Variants in ARHGAP24 observed in about 807,000 individuals in gnomAD.
The protein encoded by ARHGAP24 is rho GTPase-activating protein 24.
ARHGAP24 carries 50 observed loss-of-function variants against 76.4 expected under a neutral mutation model. That is an observed-to-expected ratio of 0.65 (90% CI 0.52 to 0.83). The LOEUF is 0.83. Ranked by LOEUF, ARHGAP24 falls within the 40% of genes least tolerant of loss-of-function variation. The pLI, the probability that ARHGAP24 is intolerant of heterozygous loss-of-function variation, is 0.00. For missense variants in ARHGAP24, 930 were observed against 914.2 expected (o/e 1.02, Z -0.22); for synonymous variants, 345 against 323.3 (o/e 1.07, Z -0.72).
intron 1 of ARHGAP24, among the ~76,000 whole-genome samples, chr4:85,508,945 T>A (rs544214069): frequency 6.6e-6 from 1 of 152,196 alleles, no homozygotes; most frequent in African/African-American, 2.4e-5. Flanking sequence ...GCTTATCAGG[T>A]CTGGCTCCTT....
intron 3 of ARHGAP24, among the ~76,000 whole-genome samples, chr4:85,775,120 G>T (rs1282906843): frequency 6.6e-6 from 1 of 152,152 alleles, no homozygotes; most frequent in Non-Finnish European, 1.5e-5. Flanking sequence ...CATGGAAAGG[G>T]CTATGAAAGA....
At chr4:85,993,084 C>G (rs1740431719) in intron 8 of ARHGAP24, among the ~76,000 whole-genome samples, 1 of 152,088 alleles carries the variant, frequency 6.6e-6, no homozygotes, top group Non-Finnish European at 1.5e-5. Flanking sequence ...CTCTTTCGGA[C>G]TTTCAAGAAA....
At chr4:85,728,104 T>C (rs1468040519) in intron 3 of ARHGAP24, among the ~76,000 whole-genome samples, 2 of 152,100 alleles carry the variant, frequency 1.3e-5, no homozygotes, top group East Asian at 1.9e-4. Flanking sequence ...CATGTTACTT[T>C]TGTACATTTC....
intron 3 of ARHGAP24, among the ~76,000 whole-genome samples, chr4:85,868,538 T>C (rs1578321571): frequency 6.6e-6 from 1 of 152,256 alleles, no homozygotes; most frequent in East Asian, 1.9e-4. Flanking sequence ...TGGCCTATAC[T>C]CTGAACTATA....
rs144429158 is a variant in ARHGAP24 at position 85,729,719 on chromosome 4, C to T, written c.268+7747C>T. On this transcript the variant is annotated intron_variant, in intron 3 of 9. Coordinates refer to ENST00000395184, the MANE Select transcript of ARHGAP24 (RefSeq NM_001025616.3). ...CAGTTGTTCAACTCTGCCATGGTAG[C>T]GAAAACAAATGGATGTGGCTGTATG... Among the ~76,000 whole-genome samples, 770 of 152,128 alleles carry T rather than the reference C, an allele frequency of 5.1e-3. 5 individuals are homozygous for T. The highest frequency in any genetic ancestry group is 0.018 in the African/African-American group (729 of 41,486).
At chr4:85,734,512 G>T (rs1452316180) in intron 3 of ARHGAP24, among the ~76,000 whole-genome samples, 1 of 151,978 alleles carries the variant, frequency 6.6e-6, no homozygotes, top group Non-Finnish European at 1.5e-5. Context: ...TTATCCAGTT[G>T]CCCAAGCTTT....
At chr4:85,715,088 C>A (rs191607011) in intron 2 of ARHGAP24, among the ~76,000 whole-genome samples, 1 of 152,050 alleles carries the variant, frequency 6.6e-6, no homozygotes, top group African/African-American at 2.4e-5. Context: ...AAATTAATGA[C>A]ATAAATTACA....
At chr4:85,884,652 T>C (rs1733457624) in intron 3 of ARHGAP24, among the ~76,000 whole-genome samples, 1 of 152,160 alleles carries the variant, frequency 6.6e-6, no homozygotes, top group African/African-American at 2.4e-5. Flanking sequence ...CAAACACTCC[T>C]GTAATAAAGG....
intron 1 of ARHGAP24, among the ~76,000 whole-genome samples, chr4:85,505,113 T>A (rs1723991931): frequency 6.6e-6 from 1 of 152,208 alleles, no homozygotes; most frequent in Non-Finnish European, 1.5e-5. Context: ...TGGGCTTCCC[T>A]TTGTGAGTAA....
At chr4:85,668,179 T>G (rs1327203840) in intron 2 of ARHGAP24, among the ~76,000 whole-genome samples, 3 of 152,238 alleles carry the variant, frequency 2.0e-5, no homozygotes, top group African/African-American at 7.2e-5. Context: ...ACACTTGCCC[T>G]AACTTCCATT....
At chr4:85,550,183 C>T (rs1726072507) in intron 1 of ARHGAP24, among the ~76,000 whole-genome samples, 1 of 152,108 alleles carries the variant, frequency 6.6e-6, no homozygotes, top group Admixed American at 6.5e-5. Context: ...CACCAAACTG[C>T]TTTTCACAAT....
rs922523176 is a variant in ARHGAP24, at chr4:86,001,404, T to C, written c.*682T>C. 5.0e-6 allele frequency: 2 copies of C among 398,890 alleles called. No individual in the cohort carries two copies. Among genetic ancestry groups the C allele is most frequent in the Non-Finnish European group, 4.4e-6 (1 of 226,102 alleles). 24.7% of individuals were successfully genotyped at this position (398,890 alleles called of 1,614,324 possible). Reference sequence around the variant, plus strand: ...TTGACATAGGAACTTTGAGACTCCATGAGAAAGTCCCTTTCTGAGGCCCAC... The same window carrying C: ...TTGACATAGGAACTTTGAGACTCCACGAGAAAGTCCCTTTCTGAGGCCCAC... On this transcript the variant is annotated 3_prime_UTR_variant, in exon 10 of 10. Coordinates refer to ENST00000395184, the MANE Select transcript of ARHGAP24 (RefSeq NM_001025616.3).
chr4:85,673,941 A>G (rs3887499), intron 2 of ARHGAP24, among the ~76,000 whole-genome samples: 3,772 of 152,144 alleles, frequency 0.025, 169 homozygotes, highest in African/African-American at 0.086. Flanking sequence ...TTTAATGGAA[A>G]TAATAACATT....
At chr4:85,685,632 CAA>C (rs57825725) in intron 2 of ARHGAP24, among the ~76,000 whole-genome samples, 68,387 of 124,250 alleles carry the variant, frequency 0.55, 17,616 homozygotes, top group East Asian at 0.94. Context: ...GACTCTGTCT[CAA>C]AAAAAAAAAA....
In ARHGAP24 at chr4:85,695,171, C is replaced by A. The variant is rs557035450; in HGVS notation, c.181-26714C>A. Reference sequence around the variant, plus strand: ...TTAGCTTATCTATTCTGAATTATTTCTGTGAAAAGTAAAGCAAAATAATGT... The same window carrying A: ...TTAGCTTATCTATTCTGAATTATTTATGTGAAAAGTAAAGCAAAATAATGT... On this transcript the variant is annotated intron_variant, in intron 2 of 9. Transcript: ENST00000395184. 2.0e-5 allele frequency among the ~76,000 whole-genome samples: 3 copies of A among 152,292 alleles called. No homozygotes were observed. In the South Asian group the frequency reaches 6.2e-4, roughly 32 times the overall value.
intron 5 of ARHGAP24, among the ~76,000 whole-genome samples, chr4:85,960,984 C>G (rs1244525001): frequency 6.6e-6 from 1 of 152,036 alleles, no homozygotes; most frequent in African/African-American, 2.4e-5. Context: ...AGAACCAAAC[C>G]AGAATAAAAC....
intron 1 of ARHGAP24, among the ~76,000 whole-genome samples, chr4:85,542,115 T>C (rs565337347): frequency 2.0e-5 from 3 of 152,148 alleles, no homozygotes; most frequent in African/African-American, 7.2e-5. Context: ...CAGTCACCAG[T>C]GGCTCAATAA....
intron 5 of ARHGAP24, among the ~76,000 whole-genome samples, chr4:85,948,093 T>C (rs1451491043): frequency 1.3e-5 from 2 of 152,186 alleles, no homozygotes; most frequent in Non-Finnish European, 2.9e-5. Context: ...TCTTATTCTA[T>C]ACTTACTACA....
intron 2 of ARHGAP24, among the ~76,000 whole-genome samples, chr4:85,650,213 C>A (rs1002819228): frequency 7.3e-6 from 1 of 137,646 alleles, no homozygotes; most frequent in Non-Finnish European, 1.5e-5. Context: ...ACCAGTGAAG[C>A]AAAAGTTATC....
Sources: gnomAD v4.1 joint callset for allele counts (sites outside exome capture counted in the v4.1 genomes callset) on GRCh38, gnomAD v4.1.1 for gene constraint, MANE v1.5 for transcripts, NCBI Gene and HGNC (gene_info 2026-07-23, HGNC 2026-07-21) for gene names.